Variants in RNF220 observed in about 807,000 individuals in gnomAD.
The protein encoded by RNF220 is E3 ubiquitin-protein ligase RNF220.
A neutral mutation model predicts 67.1 loss-of-function variants in RNF220; 7 were observed. The observed-to-expected ratio is 0.10, with a 90% confidence interval of 0.06 to 0.20. The LOEUF is 0.20. Ranked by LOEUF, RNF220 falls within the 10% of genes least tolerant of loss-of-function variation. The pLI is 1.00. For synonymous variants in RNF220, 270 were observed against 283.2 expected, an observed-to-expected ratio of 0.95 and a Z score of 0.47; for missense variants, 565 against 740.3, an observed-to-expected ratio of 0.76 and a Z score of 2.75.
chr1:44,602,051 T>A (rs1339441913), intron 2 of RNF220, among the ~76,000 whole-genome samples: 2 of 151,900 alleles, frequency 1.3e-5, no homozygotes, highest in Non-Finnish European at 2.9e-5. Flanking sequence ...AGGAGCAAGT[T>A]AAATGGATAC....
intron 2 of RNF220, among the ~76,000 whole-genome samples, chr1:44,560,040 A>G (rs1663442690): frequency 6.6e-6 from 1 of 152,190 alleles, no homozygotes; most frequent in African/African-American, 2.4e-5. Flanking sequence ...CTCAGTGCCC[A>G]TCAGGCAGGC....
intron 8 of RNF220, among the ~76,000 whole-genome samples, chr1:44,638,651 G>T (rs3754421): frequency 2.0e-5 from 3 of 152,178 alleles, no homozygotes; most frequent in Non-Finnish European, 4.4e-5. Flanking sequence ...GCTGTGGGAA[G>T]CAGTGAACGG....
At chr1:44,647,539 C>G (rs1487713485) in intron 12 of RNF220, among the ~76,000 whole-genome samples, 1 of 152,078 alleles carries the variant, frequency 6.6e-6, no homozygotes, top group Non-Finnish European at 1.5e-5. Flanking sequence ...TCTTGGCATC[C>G]CTGGAAAGAG....
At chr1:44,571,181 A>G (rs1664416816) in intron 2 of RNF220, among the ~76,000 whole-genome samples, 1 of 152,140 alleles carries the variant, frequency 6.6e-6, no homozygotes, top group Non-Finnish European at 1.5e-5. Flanking sequence ...CCAACCTACA[A>G]GACCCTACAG....
At chr1:44,410,970 C>G (rs1647900853) in intron 1 of RNF220, among the ~76,000 whole-genome samples, 1 of 152,218 alleles carries the variant, frequency 6.6e-6, no homozygotes, top group African/African-American at 2.4e-5. Flanking sequence ...TGAAAGAAGT[C>G]TCTCCGAACT....
chr1:44,527,193 T>C (rs952572269), intron 2 of RNF220, among the ~76,000 whole-genome samples: 5 of 152,082 alleles, frequency 3.3e-5, no homozygotes, highest in Admixed American at 1.3e-4. Flanking sequence ...CCTTGAATCC[T>C]TGCAGAGCAC....
Position 44,632,400 on chromosome 1 carries a change from G to GCCCCCCCCCACCCCC in RNF220, c.949+19_949+20insCCCCCACCCCCCCCC. On this transcript the variant is annotated intron_variant, in intron 6 of 14. Coordinates refer to ENST00000361799, the MANE Select transcript of RNF220 (RefSeq NM_018150.4). Reference sequence around the variant, plus strand: ...CCGACTGAATGGTGAGTCCTGCCCGGCCCCTCCCTCCGCCCCACCCCCGGC... The same window carrying GCCCCCCCCCACCCCC: ...CCGACTGAATGGTGAGTCCTGCCCGGCCCCCCCCCACCCCCCCCCTCCCTCCGCCCCACCCCCGGC... The GCCCCCCCCCACCCCC allele has an allele frequency of 6.2e-7, 1 of 1,607,450 alleles. No individual in the cohort carries two copies. Among genetic ancestry groups the GCCCCCCCCCACCCCC allele is most frequent in the Non-Finnish European group, 8.5e-7 (1 of 1,177,492 alleles).
rs1221948067 is a variant in RNF220, at chr1:44,622,190, C to T, written c.759-552C>T. Among the ~76,000 whole-genome samples the T allele has an allele frequency of 6.6e-6, 1 of 152,194 alleles. No homozygotes were observed. The highest frequency in any genetic ancestry group is 2.4e-5 in the African/African-American group (1 of 41,444). ...CACCTCCCACCCCAGCCCCCGCCTG[C>T]TCTGAGCCGCCCACCATATTTCAGG... On this transcript the variant is annotated intron_variant, in intron 3 of 14. Transcript: ENST00000361799. The surrounding 1 kb of genome is among the most constrained non-coding windows in gnomAD (Gnocchi z 4.3).
rs1322061443 is a variant in RNF220, at chr1:44,622,018, A to T, written c.759-724A>T. The stretch of plus-strand genomic sequence containing the variant: ...ATGTTTCTGAAGTGGATCTGATTTG[A>T]TACGTCTTGTTCCATTGTCAGCATC... On this transcript the variant is annotated intron_variant, in intron 3 of 14. Coordinates refer to ENST00000361799, the MANE Select transcript of RNF220 (RefSeq NM_018150.4). The surrounding 1 kb of genome is among the most constrained non-coding windows in gnomAD (Gnocchi z 4.3). Among the ~76,000 whole-genome samples, 1 of 152,176 alleles carries T rather than the reference A, an allele frequency of 6.6e-6. No individual in the cohort carries two copies. The highest frequency in any genetic ancestry group is 1.5e-5 in the Non-Finnish European group (1 of 68,018).
Position 44,645,614 on chromosome 1 carries a change from G to A in RNF220, c.1445+126G>A. 7.6e-6 allele frequency: 7 copies of A among 924,334 alleles called. No individual in the cohort carries two copies. The allele number at this position is 924,334 out of a possible 1,614,324, so 57.3% of individuals were successfully genotyped here. A position where few individuals can be genotyped will look rare whatever the true frequency, so the allele number is the denominator to read the frequency against. ...AAGTGCAGCTCAGTGCTGCTGCCCTGGGCACACGGCCGGCAGTGGAGCCCA... is the reference window on the plus strand; with the variant it reads ...AAGTGCAGCTCAGTGCTGCTGCCCTAGGCACACGGCCGGCAGTGGAGCCCA... On this transcript the variant is annotated intron_variant, in intron 12 of 14. Transcript: ENST00000361799. The surrounding 1 kb of genome is among the most constrained non-coding windows in gnomAD (Gnocchi z 5.0).
intron 2 of RNF220, among the ~76,000 whole-genome samples, chr1:44,582,097 A>G (rs1202805893): frequency 1.3e-5 from 2 of 152,240 alleles, no homozygotes; most frequent in Non-Finnish European, 2.9e-5. Context: ...GGGAGTCACC[A>G]GATCACAGAA....
chr1:44,624,388 C>T lies in RNF220; in HGVS notation c.804+1601C>T, dbSNP rs566522746. Among the ~76,000 whole-genome samples the T allele has an allele frequency of 5.3e-5, 8 of 152,256 alleles. No homozygotes were observed. Among genetic ancestry groups the T allele is most frequent in the South Asian group, 4.2e-4 (2 of 4,818 alleles). The stretch of plus-strand genomic sequence containing the variant: ...ACCCCTGGCAGACACAGTCTACCTC[C>T]GTCCCTAGCTCCCCACATATACAGA... On this transcript the variant is annotated intron_variant, in intron 4 of 14. Transcript: ENST00000361799. This position sits in a 1 kb window ranked among gnomAD's most constrained non-coding sequence, Gnocchi z 4.2.
rs398049243 is a variant in RNF220, at chr1:44,600,821, CA to C, written c.626-13331del. On this transcript the variant is annotated intron_variant, in intron 2 of 14. Coordinates refer to ENST00000361799, the MANE Select transcript of RNF220 (RefSeq NM_018150.4). The surrounding 1 kb of genome is among the most constrained non-coding windows in gnomAD (Gnocchi z 4.0). ...GGGCAACAAGAGCAAGACTCTGTCTCAAAAAAAAAAAAAGTACAGTGCTTGC... is the reference window on the plus strand; with the variant it reads ...GGGCAACAAGAGCAAGACTCTGTCTCAAAAAAAAAAAAGTACAGTGCTTGC... Among the ~76,000 whole-genome samples, 146 of 139,920 alleles carry C rather than the reference CA, an allele frequency of 1.0e-3. No individual in the cohort carries two copies. The highest frequency in any genetic ancestry group is 8.6e-4 in the Admixed American group (12 of 13,884). The allele number at this position is 139,920 out of a possible 152,430, so 91.8% of individuals were successfully genotyped here.
At chr1:44,436,116 C>T (rs1251960454) in intron 2 of RNF220, among the ~76,000 whole-genome samples, 5 of 151,904 alleles carry the variant, frequency 3.3e-5, no homozygotes, top group Non-Finnish European at 7.4e-5. Context: ...AGCAAGTTTC[C>T]ACTTTTCTCT....
At chr1:44,457,984 T>C (rs1490150288) in intron 2 of RNF220, among the ~76,000 whole-genome samples, 1 of 152,142 alleles carries the variant, frequency 6.6e-6, no homozygotes, top group Non-Finnish European at 1.5e-5. Context: ...AAGCCAGGTG[T>C]GATGGCTCAC....
rs1648117064 is a variant in RNF220 at position 44,412,876 on chromosome 1, C to T, written c.625+154C>T. The T allele has an allele frequency of 2.2e-6, 2 of 896,912 alleles. No homozygotes were observed. Among genetic ancestry groups the T allele is most frequent in the Admixed American group, 2.5e-5 (1 of 39,534 alleles). 55.6% of individuals were successfully genotyped at this position (896,912 alleles called of 1,614,324 possible). A position where few individuals can be genotyped will look rare whatever the true frequency, so the allele number is the denominator to read the frequency against. Reference sequence around the variant, plus strand: ...GTGGAGTGCTAACCTTTGCTTGTCTCTTATCAGTGAGCACTGATAGTTCTT... The same window carrying T: ...GTGGAGTGCTAACCTTTGCTTGTCTTTTATCAGTGAGCACTGATAGTTCTT... On this transcript the variant is annotated intron_variant, in intron 2 of 14. Coordinates refer to ENST00000361799, the MANE Select transcript of RNF220 (RefSeq NM_018150.4). This position sits in a 1 kb window ranked among gnomAD's most constrained non-coding sequence, Gnocchi z 5.3.
At chr1:44,511,021 T>C (rs1339492473) in intron 2 of RNF220, among the ~76,000 whole-genome samples, 1 of 152,154 alleles carries the variant, frequency 6.6e-6, no homozygotes, top group Non-Finnish European at 1.5e-5. Context: ...AGTGGGGGGA[T>C]GACGGGGAGT....
chr1:44,536,140 C>T (rs1661202766), intron 2 of RNF220, among the ~76,000 whole-genome samples: 1 of 152,186 alleles, frequency 6.6e-6, no homozygotes, highest in South Asian at 2.1e-4. Flanking sequence ...GGAGGTGTGA[C>T]TTGGGCCCTA....
chr1:44,483,244 A>G (rs1022655814), intron 2 of RNF220, among the ~76,000 whole-genome samples: 1 of 152,060 alleles, frequency 6.6e-6, no homozygotes, highest in Admixed American at 6.6e-5. Context: ...GCATAGTATT[A>G]ATACACACCT....
Sources: gnomAD v4.1 joint callset for allele counts (sites outside exome capture counted in the v4.1 genomes callset) on GRCh38, gnomAD v4.1.1 for gene constraint, Gnocchi (gnomAD v3.1) non-coding constraint, MANE v1.5 for transcripts, NCBI Gene and HGNC (gene_info 2026-07-23, HGNC 2026-07-21) for gene names.